The following DIAPH3 variants were observed in gnomAD, a reference collection of about 807,000 sequenced individuals.
DIAPH3 encodes protein diaphanous homolog 3.
In DIAPH3, 117 loss-of-function variants were observed where a neutral mutation model predicts 144.3. The ratio of observed to expected loss-of-function variants is 0.81; its 90% CI spans 0.70 to 0.95. DIAPH3 has a LOEUF of 0.95. Ranked by LOEUF, DIAPH3 falls within the 40% of genes least tolerant of loss-of-function variation. The pLI, the probability that DIAPH3 is intolerant of heterozygous loss-of-function variation, is 0.00. For synonymous variants in DIAPH3, 519 were observed against 488.9 expected, an observed-to-expected ratio of 1.06 and a Z score of -0.81; for missense variants, 1,421 against 1,412.7, an observed-to-expected ratio of 1.01 and a Z score of -0.09.
chr13:59,977,193 C>T (rs149970769), intron 14 of DIAPH3, among the ~76,000 whole-genome samples: 1 of 151,678 alleles, frequency 6.6e-6, no homozygotes, highest in East Asian at 1.9e-4. Flanking sequence ...AGCAAACTAA[C>T]AACCCTAAAT....
chr13:60,158,568 C>CT (rs1952132867), intron 1 of DIAPH3, among the ~76,000 whole-genome samples: 3 of 152,266 alleles, frequency 2.0e-5, no homozygotes, highest in South Asian at 4.1e-4. Context: ...AACTTTGGGG[C>CT]TGCCTCCTCC....
intron 20 of DIAPH3, among the ~76,000 whole-genome samples, chr13:59,884,961 G>A (rs769641956): frequency 2.2e-4 from 33 of 152,176 alleles, no homozygotes; most frequent in South Asian, 1.5e-3. Flanking sequence ...ATAGGAGAAA[G>A]GTAAAGCCAA....
intron 27 of DIAPH3, among the ~76,000 whole-genome samples, chr13:59,768,710 AT>A (rs1485772219): frequency 6.6e-6 from 1 of 152,160 alleles, no homozygotes; most frequent in Non-Finnish European, 1.5e-5. Context: ...CTGACTTCAA[AT>A]CAGAGTGGCA....
At chr13:59,706,078 G>C (rs765666745) in intron 27 of DIAPH3, among the ~76,000 whole-genome samples, 1 of 151,954 alleles carries the variant, frequency 6.6e-6, no homozygotes, top group Non-Finnish European at 1.5e-5. Context: ...AAATGGCACA[G>C]TATTTGCAAA....
intron 4 of DIAPH3, among the ~76,000 whole-genome samples, chr13:60,085,916 A>C (rs1050714718): frequency 3.9e-5 from 6 of 152,114 alleles, no homozygotes; most frequent in Non-Finnish European, 8.8e-5. Context: ...CAACTCAGTG[A>C]CAAGATGAAA....
At chr13:59,704,859 T>C (rs1192235526) in intron 27 of DIAPH3, among the ~76,000 whole-genome samples, 2 of 152,192 alleles carry the variant, frequency 1.3e-5, no homozygotes, top group Non-Finnish European at 1.5e-5. Context: ...CGTCTGACTA[T>C]ATTTTATTTA....
intron 18 of DIAPH3, among the ~76,000 whole-genome samples, chr13:59,922,388 T>C (rs2047562093): frequency 6.6e-6 from 1 of 152,108 alleles, no homozygotes; most frequent in Non-Finnish European, 1.5e-5. Flanking sequence ...AAAACCACTT[T>C]TAAATAGACA....
chr13:59,750,656 T>C (rs1004047536), intron 27 of DIAPH3, among the ~76,000 whole-genome samples: 1 of 152,216 alleles, frequency 6.6e-6, no homozygotes, highest in Non-Finnish European at 1.5e-5. Flanking sequence ...CTGAATCTAA[T>C]ACCTGTGTGA....
chr13:59,991,948 G>T, intron 11 of DIAPH3, 120 bp downstream of exon 11: 1 of 782,476 alleles, frequency 1.3e-6, no homozygotes, highest in Non-Finnish European at 2.3e-6. Context: ...TTCTTCTGAT[G>T]CATGAAGGTT....
intron 1 of DIAPH3, among the ~76,000 whole-genome samples, chr13:60,136,424 AC>A (rs1163311742): frequency 1.3e-5 from 2 of 150,854 alleles, no homozygotes; most frequent in African/African-American, 4.9e-5. Context: ...ACTAGGAAAC[AC>A]CTTTAAAAAT....
chr13:59,913,683 G>T (rs1418770050), intron 19 of DIAPH3, among the ~76,000 whole-genome samples: 1 of 152,144 alleles, frequency 6.6e-6, no homozygotes, highest in Non-Finnish European at 1.5e-5. Context: ...ATACAGCCGG[G>T]CATGGTGGCT....
intron 17 of DIAPH3, among the ~76,000 whole-genome samples, chr13:59,933,236 G>T (rs1300537599): frequency 2.0e-5 from 3 of 152,180 alleles, no homozygotes; most frequent in Admixed American, 2.0e-4. Flanking sequence ...CTGACAACAG[G>T]TTCTACATCC....
At chr13:59,794,209 A>T (rs2039467975) in intron 25 of DIAPH3, among the ~76,000 whole-genome samples, 1 of 152,158 alleles carries the variant, frequency 6.6e-6, no homozygotes, top group Non-Finnish European at 1.5e-5. Flanking sequence ...TTGACTTAAA[A>T]TATTTCCAAA....
At chr13:59,931,202 C>T (rs1013297765) in intron 17 of DIAPH3, among the ~76,000 whole-genome samples, 3 of 152,156 alleles carry the variant, frequency 2.0e-5, no homozygotes, top group Admixed American at 6.5e-5. Flanking sequence ...TGAATCTAGT[C>T]GATTCTAACT....
intron 24 of DIAPH3, among the ~76,000 whole-genome samples, chr13:59,813,636 A>G (rs1486131526): frequency 6.6e-6 from 1 of 152,056 alleles, no homozygotes; most frequent in East Asian, 1.9e-4. Context: ...CGGGTGGATC[A>G]TGAGGTCAGG....
chr13:60,160,203 G>A (rs1227396224), intron 1 of DIAPH3, among the ~76,000 whole-genome samples: 1 of 151,968 alleles, frequency 6.6e-6, no homozygotes, highest in Non-Finnish European at 1.5e-5. Flanking sequence ...CAGCCTGGGC[G>A]ACAGAGCAAG....
chr13:59,666,965 T>A, intron 27 of DIAPH3, 119 bp from the exon 28 acceptor site: 2 of 1,213,906 alleles, frequency 1.6e-6, no homozygotes, highest in Non-Finnish European at 2.3e-6. Flanking sequence ...TTAGATAGAC[T>A]AAACAAAGAA....
chr13:60,079,462 G>A (rs575982428), intron 4 of DIAPH3, among the ~76,000 whole-genome samples: 1 of 152,014 alleles, frequency 6.6e-6, no homozygotes, highest in Admixed American at 6.6e-5. Flanking sequence ...AGAAAGACAA[G>A]GTTAGGGTAA....
At chr13:60,092,640 G>A (rs2057986508) in intron 4 of DIAPH3, among the ~76,000 whole-genome samples, 1 of 151,722 alleles carries the variant, frequency 6.6e-6, no homozygotes, top group Non-Finnish European at 1.5e-5. Context: ...GACAGAGTGA[G>A]ACTCCGTCTC....
Sources: gnomAD v4.1 joint callset for allele counts (sites outside exome capture counted in the v4.1 genomes callset) on GRCh38, gnomAD v4.1.1 for gene constraint, MANE v1.5 for transcripts, NCBI Gene and HGNC (gene_info 2026-07-23, HGNC 2026-07-21) for gene names.